The following KALRN variants were observed in gnomAD, a reference collection of about 807,000 sequenced individuals.
The protein encoded by KALRN is kalirin.
Under a neutral mutation model 353.7 loss-of-function variants are expected in KALRN, and 70 were observed. That is an observed-to-expected ratio of 0.20 (90% CI 0.16 to 0.24). KALRN has a LOEUF of 0.24. Among genes scored for constraint, KALRN ranks in the 10% least tolerant of loss-of-function variants. The pLI, the probability that KALRN is intolerant of heterozygous loss-of-function variation, is 1.00. For synonymous variants in KALRN, 1,391 were observed against 1,434.8 expected, an observed-to-expected ratio of 0.97 and a Z score of 0.69; for missense variants, 2,791 against 3,756.7, an observed-to-expected ratio of 0.74 and a Z score of 6.72.
intron 13 of KALRN, 145 bp downstream of exon 13, chr3:124,399,016 A>G (rs2090518972): frequency 1.3e-6 from 1 of 765,588 alleles, no homozygotes; most frequent in Non-Finnish European, 2.0e-6. Context: ...CCAGTCCACC[A>G]TGGCATATTC....
At chr3:124,084,958 A>C (rs965864593) in intron 1 of KALRN, among the ~76,000 whole-genome samples, 3 of 152,148 alleles carry the variant, frequency 2.0e-5, no homozygotes, top group Non-Finnish European at 1.5e-5. Flanking sequence ...CCCCTCCCTC[A>C]GACACCCCAC....
At chr3:124,352,138 C>G (rs2082896196) in intron 10 of KALRN, among the ~76,000 whole-genome samples, 1 of 152,146 alleles carries the variant, frequency 6.6e-6, no homozygotes, top group South Asian at 2.1e-4. Context: ...CCCCAAATGG[C>G]TAAGGCCACC....
intron 33 of KALRN, among the ~76,000 whole-genome samples, chr3:124,509,743 G>T (rs1208636798): frequency 6.6e-6 from 1 of 152,196 alleles, no homozygotes; most frequent in Non-Finnish European, 1.5e-5. Flanking sequence ...TACTAAATTT[G>T]TTGGTTTTGG....
chr3:124,624,819 G>T (rs663985), intron 34 of KALRN, among the ~76,000 whole-genome samples: 11,261 of 152,250 alleles, frequency 0.074, 710 homozygotes, highest in African/African-American at 0.17. Context: ...GGAAGAGATT[G>T]CAGGCATTGG....
intron 8 of KALRN, among the ~76,000 whole-genome samples, chr3:124,330,697 C>G (rs534225791): frequency 1.0e-3 from 157 of 152,298 alleles, no homozygotes; most frequent in African/African-American, 3.7e-3. Context: ...TGCTAACTGG[C>G]ATGAATTCTG....
At chr3:124,324,330 A>G (rs1356334463) in intron 6 of KALRN, among the ~76,000 whole-genome samples, 2 of 152,212 alleles carry the variant, frequency 1.3e-5, no homozygotes, top group Non-Finnish European at 2.9e-5. Flanking sequence ...CATAGAAGAT[A>G]AAACTGTCGA....
chr3:124,131,369 G>A (rs551408594), intron 1 of KALRN, among the ~76,000 whole-genome samples: 10 of 152,312 alleles, frequency 6.6e-5, no homozygotes, highest in Non-Finnish European at 1.2e-4. Flanking sequence ...TCTTCAAGGA[G>A]TATATGAAAT....
chr3:124,471,862 G>A (rs1049708688), intron 25 of KALRN, among the ~76,000 whole-genome samples: 11 of 151,380 alleles, frequency 7.3e-5, no homozygotes, highest in African/African-American at 2.7e-4. Flanking sequence ...AGCTACTCGG[G>A]AGGCTGAGGC....
At chr3:124,233,703 G>A (rs1424601270) in intron 2 of KALRN, among the ~76,000 whole-genome samples, 1 of 152,078 alleles carries the variant, frequency 6.6e-6, no homozygotes, top group Non-Finnish European at 1.5e-5. Flanking sequence ...GGGATCCCTG[G>A]GAGACTCTGC....
chr3:124,310,228 C>G (rs549331553), intron 6 of KALRN, among the ~76,000 whole-genome samples: 1 of 137,466 alleles, frequency 7.3e-6, no homozygotes, highest in South Asian at 2.3e-4. Context: ...AAAACTTATA[C>G]TCTGAAAACT....
chr3:124,585,832 C>T (rs2250890), intron 34 of KALRN, among the ~76,000 whole-genome samples: 5 of 151,982 alleles, frequency 3.3e-5, no homozygotes, highest in Non-Finnish European at 5.9e-5. Flanking sequence ...GCCTCCACCC[C>T]CATTTACAAT....
Position 124,585,034 on chromosome 3 carries a change from G to C in KALRN, c.5182+21945G>C, listed in dbSNP as rs534096784. The C allele has an allele frequency of 2.1e-4, 249 of 1,159,604 alleles. No individual in the cohort carries two copies. The African/African-American group carries it at 3.8e-3, about 18-fold the overall frequency. The allele number at this position is 1,159,604 out of a possible 1,614,324, so 71.8% of individuals were successfully genotyped here. ...GTAGGCGGATGGGGCTGGGGATCAG[G>C]AGGGCGGCGAAGTGAGAGAGTTTGC... On this transcript the variant is annotated intron_variant, in intron 34 of 59. Coordinates refer to ENST00000682506, the MANE Select transcript of KALRN (RefSeq NM_001388419.1).
intron 17 of KALRN, among the ~76,000 whole-genome samples, chr3:124,438,424 C>T (rs947470523): frequency 6.6e-6 from 1 of 152,082 alleles, no homozygotes; most frequent in Non-Finnish European, 1.5e-5. Flanking sequence ...TCATTTATGG[C>T]CTGTAAACCA....
intron 37 of KALRN, among the ~76,000 whole-genome samples, chr3:124,641,284 G>A (rs548803012): frequency 6.6e-6 from 1 of 152,058 alleles, no homozygotes; most frequent in African/African-American, 2.4e-5. Flanking sequence ...TATCAGCCTT[G>A]GTCTTTAATT....
intron 3 of KALRN, among the ~76,000 whole-genome samples, chr3:124,235,697 G>A (rs943294372): frequency 3.9e-5 from 6 of 152,134 alleles, no homozygotes; most frequent in African/African-American, 9.7e-5. Flanking sequence ...GTCCAGCCCC[G>A]GTGCTCTCTC....
chr3:124,715,555 T>A, intron 58 of KALRN, among the ~76,000 whole-genome samples: 1 of 152,220 alleles, frequency 6.6e-6, no homozygotes, highest in East Asian at 1.9e-4. Flanking sequence ...TCTACTCTGA[T>A]CACTCTTACC....
intron 3 of KALRN, among the ~76,000 whole-genome samples, chr3:124,255,820 A>G (rs2071884242): frequency 6.6e-6 from 1 of 152,146 alleles, no homozygotes; most frequent in South Asian, 2.1e-4. Context: ...AAATGTGAGT[A>G]AAAATTACCC....
chr3:124,467,567 T>C (rs1372012222), intron 25 of KALRN, among the ~76,000 whole-genome samples: 2 of 152,080 alleles, frequency 1.3e-5, no homozygotes, highest in African/African-American at 2.4e-5. Flanking sequence ...GGAATAAAGT[T>C]TGAACAAAGG....
At chr3:124,481,734 T>TA (rs796536697) in intron 27 of KALRN, among the ~76,000 whole-genome samples, 7 of 152,302 alleles carry the variant, frequency 4.6e-5, no homozygotes, top group African/African-American at 1.7e-4. Flanking sequence ...GTGTTTGATG[T>TA]AAGTGAGTGT....
Sources: allele counts gnomAD v4.1 joint callset (sites outside exome capture counted in the v4.1 genomes callset), GRCh38; gene constraint gnomAD v4.1.1; transcripts MANE v1.5; gene names NCBI Gene and HGNC (gene_info 2026-07-23, HGNC 2026-07-21).